The following KCNK2 variants were observed in gnomAD, a reference collection of about 807,000 sequenced individuals.
KCNK2 encodes the protein potassium channel subfamily K member 2.
In KCNK2, 21 loss-of-function variants were observed where a neutral mutation model predicts 40.5. The observed-to-expected ratio is 0.52, with a 90% CI of 0.37 to 0.75. The LOEUF (loss-of-function observed/expected upper bound fraction) is 0.75. KCNK2 is among the 30% of genes least tolerant of loss of function. The pLI is 0.00. For synonymous variants in KCNK2, 191 were observed against 202.2 expected (o/e 0.94, Z 0.47); for missense variants, 399 against 531.6 (o/e 0.75, Z 2.45).
chr1:215,061,048 A>G (rs1658345978), intron 1 of KCNK2, among the ~76,000 whole-genome samples: 1 of 152,180 alleles, frequency 6.6e-6, no homozygotes, highest in Non-Finnish European at 1.5e-5. Context: ...ACAACAACAT[A>G]TAGATATTAT....
chr1:215,093,752 T>TATATATTATATAATATAAA (rs1659822383), intron 2 of KCNK2, among the ~76,000 whole-genome samples: 1 of 77,240 alleles, frequency 1.3e-5, no homozygotes, highest in Non-Finnish European at 2.3e-5. Flanking sequence ...AAAAATATAT[T>TATATATTATATAATATAAA]ATATATTATA....
At position 215,234,972 on chromosome 1, in the gene KCNK2, G is replaced by T. The variant is rs748216125; in HGVS notation, c.1108G>T (p.Ala370Ser). ...CAAGCGGAAGCTCTCGGCAGAACTG[G>T]CTGGAAACCACAATCAGGAGCTGAC... is the stretch of plus-strand genomic sequence containing the variant. ...SIKRKLSAEL[A>S]GNHNQELTPC... The change falls in exon 7 of 7, where the codon GCT becomes TCT. Residue 370 changes from alanine (A) to serine (S), a missense_variant. Around this residue, in one of 3 missense-constraint regions of KCNK2, gnomAD observed 103 missense variants for 124.3 expected, o/e 0.83. Coordinates refer to ENST00000444842, the MANE Select transcript of KCNK2 (RefSeq NM_001017425.3). 16 of 1,614,016 alleles carry T rather than the reference G, an allele frequency of 9.9e-6. No individual in the cohort carries two copies. In the South Asian group the frequency reaches 1.4e-4, roughly 14 times the overall value.
chr1:215,021,001 A>G (rs1008935843), intron 1 of KCNK2, among the ~76,000 whole-genome samples: 1 of 152,156 alleles, frequency 6.6e-6, no homozygotes, highest in African/African-American at 2.4e-5. Flanking sequence ...AATAATTTCA[A>G]TTATTTTAAA....
At chr1:215,101,496 G>T (rs999015157) in intron 2 of KCNK2, among the ~76,000 whole-genome samples, 2 of 151,970 alleles carry the variant, frequency 1.3e-5, no homozygotes, top group Non-Finnish European at 2.9e-5. Context: ...TAGAAGGTCT[G>T]ATGTGATCGG....
At position 215,108,561 on chromosome 1, in the gene KCNK2, G is replaced by T. The variant is rs72735344; in HGVS notation, c.358-16072G>T. 6.0e-3 allele frequency among the ~76,000 whole-genome samples: 914 copies of T among 152,072 alleles called. 5 individuals are homozygous for T. Among genetic ancestry groups the T allele is most frequent in the Middle Eastern group, 0.02 (6 of 294 alleles). On this transcript the variant is annotated intron_variant, in intron 2 of 6. Coordinates refer to ENST00000444842, the MANE Select transcript of KCNK2 (RefSeq NM_001017425.3). ...TTTTGCTTTTGTTGCTTAGGCTTTT[G>T]GGGTCATATCCATGAAATCATTGCC...
chr1:215,168,880 AAG>A lies in KCNK2; in HGVS notation c.476-317_476-316del, dbSNP rs1318249220. ...ACTTAAAGCAAAAAAAGAAAGAAAA[AAG>A]AAATATTTAATGAAAATATGATTTT... On this transcript the variant is annotated intron_variant, in intron 3 of 6. Transcript: ENST00000444842. Among the ~76,000 whole-genome samples the A allele has an allele frequency of 2.0e-5, 3 of 152,284 alleles. No homozygotes were observed. The East Asian group carries it at 5.8e-4, about 29-fold the overall frequency.
intron 1 of KCNK2, among the ~76,000 whole-genome samples, chr1:215,031,953 T>C (rs1477401899): frequency 6.6e-6 from 1 of 152,210 alleles, no homozygotes; most frequent in Non-Finnish European, 1.5e-5. Context: ...CAGTACCTTA[T>C]AATAATACAA....
upstream of KCNK2, among the ~76,000 whole-genome samples, chr1:215,078,491 GGAGA>G (rs1659033734): frequency 6.6e-6 from 1 of 152,182 alleles, no homozygotes; most frequent in African/African-American, 2.4e-5. Context: ...CAGGGCAGCA[GGAGA>G]GAGAATCAGT....
chr1:215,201,822 T>C lies in KCNK2; in HGVS notation c.963+6730T>C, dbSNP rs542623377. Among the ~76,000 whole-genome samples the C allele has an allele frequency of 3.4e-4, 52 of 152,338 alleles. 1 individual carries two copies. The South Asian group carries it at 9.3e-3, about 27-fold the overall frequency. On this transcript the variant is annotated intron_variant, in intron 6 of 6. Transcript: ENST00000444842. ...GACTAAGAAGGTACTTAGTCTTTGA[T>C]TGGAGATCAGTTCTTAATGTAGCCT...
chr1:215,137,017 C>G (rs1160495583), intron 3 of KCNK2, among the ~76,000 whole-genome samples: 2 of 151,962 alleles, frequency 1.3e-5, no homozygotes, highest in South Asian at 2.1e-4. Context: ...AATATTGACT[C>G]CTATTGTGTT....
chr1:215,170,055 A>G (rs183024937), intron 4 of KCNK2, among the ~76,000 whole-genome samples: 1 of 152,302 alleles, frequency 6.6e-6, no homozygotes, highest in East Asian at 1.9e-4. Context: ...GGTACTATGG[A>G]GGCATCACTC....
intron 1 of KCNK2, among the ~76,000 whole-genome samples, chr1:215,058,040 G>A (rs924289553): frequency 4.6e-5 from 7 of 152,084 alleles, no homozygotes; most frequent in African/African-American, 1.7e-4. Flanking sequence ...GCAGCCCCAG[G>A]AATAGGGAGT....
chr1:215,047,669 A>T (rs2102497157), intron 1 of KCNK2, among the ~76,000 whole-genome samples: 1 of 152,260 alleles, frequency 6.6e-6, no homozygotes, highest in South Asian at 2.1e-4. Flanking sequence ...AAATTTGCCA[A>T]GCTTCTGAAA....
At chr1:215,163,782 G>T (rs1378310666) in intron 3 of KCNK2, among the ~76,000 whole-genome samples, 1 of 152,152 alleles carries the variant, frequency 6.6e-6, no homozygotes, top group Non-Finnish European at 1.5e-5. Flanking sequence ...CTTGATCGTG[G>T]TGGATAAGCT....
chr1:215,056,911 AC>A (rs1276839454), intron 1 of KCNK2, among the ~76,000 whole-genome samples: 1 of 152,244 alleles, frequency 6.6e-6, no homozygotes. Flanking sequence ...TAAAATGTTT[AC>A]TATCATAGAA....
intron 1 of KCNK2, among the ~76,000 whole-genome samples, chr1:215,036,175 T>C (rs1249674340): frequency 6.6e-6 from 1 of 151,898 alleles, no homozygotes; most frequent in Non-Finnish European, 1.5e-5. Context: ...AGCTTTTACT[T>C]TGAGGTCTGT....
In KCNK2 at chr1:215,236,521, T is replaced by G. The variant is rs1379236289; in HGVS notation, c.*1376T>G. 2 of 151,288 alleles carry G rather than the reference T, an allele frequency of 1.3e-5. No homozygotes were observed. Among genetic ancestry groups the G allele is most frequent in the African/African-American group, 2.4e-5 (1 of 41,032 alleles). 9.4% of individuals were successfully genotyped at this position (151,288 alleles called of 1,614,324 possible). On this transcript the variant is annotated 3_prime_UTR_variant, in exon 7 of 7. Coordinates refer to ENST00000444842, the MANE Select transcript of KCNK2 (RefSeq NM_001017425.3). ...ATTTAAATTTTGAGAGTTTGCTGTGTTTTTTTTTCACATAAAAGAGGCTGA... is the reference window on the plus strand; with the variant it reads ...ATTTAAATTTTGAGAGTTTGCTGTGGTTTTTTTTCACATAAAAGAGGCTGA...
chr1:215,170,376 T>C (rs1663656513), intron 4 of KCNK2, among the ~76,000 whole-genome samples: 2 of 152,166 alleles, frequency 1.3e-5, no homozygotes, highest in Non-Finnish European at 2.9e-5. Flanking sequence ...AATACTATGA[T>C]GATAAACTTG....
intron 3 of KCNK2, among the ~76,000 whole-genome samples, chr1:215,129,313 CT>C (rs571334615): frequency 4.1e-4 from 62 of 152,258 alleles, no homozygotes; most frequent in African/African-American, 8.7e-4. Flanking sequence ...CCTTCTCCCC[CT>C]ACCCCCATTT....
Sources: allele counts gnomAD v4.1 joint callset (sites outside exome capture counted in the v4.1 genomes callset), GRCh38; gene constraint gnomAD v4.1.1; regional missense constraint gnomAD v4.1.1; transcripts MANE v1.5; gene names NCBI Gene and HGNC (gene_info 2026-07-23, HGNC 2026-07-21).